The following TOX2 variants were observed in gnomAD, a reference collection of about 807,000 sequenced individuals.
TOX2 encodes the protein TOX high mobility group box family member 2.
In TOX2, 15 loss-of-function variants were observed where a neutral mutation model predicts 47.4. The observed-to-expected ratio is 0.32, with a 90% confidence interval of 0.21 to 0.49. The LOEUF is 0.49. TOX2 is among the 20% of genes least tolerant of loss of function. The pLI is 0.99. For synonymous variants in TOX2, 290 were observed against 296.6 expected, an observed-to-expected ratio of 0.98 and a Z score of 0.23; for missense variants, 622 against 673.1, an observed-to-expected ratio of 0.92 and a Z score of 0.84.
At chr20:44,037,197 A>C (rs950647038) in intron 3 of TOX2, among the ~76,000 whole-genome samples, 4 of 152,098 alleles carry the variant, frequency 2.6e-5, no homozygotes, top group Non-Finnish European at 2.9e-5. Context: ...CAGGTGATCC[A>C]CCCACCTTGG....
intron 1 of TOX2, among the ~76,000 whole-genome samples, chr20:43,927,640 C>CTTCCTTCT (rs1469471579): frequency 4.7e-5 from 6 of 127,996 alleles, no homozygotes; most frequent in African/African-American, 1.8e-4. Flanking sequence ...TCCTTCCTTC[C>CTTCCTTCT]TCCCCTTCCC....
intron 1 of TOX2, among the ~76,000 whole-genome samples, chr20:43,951,728 T>TTTTTTA (rs1344889572): frequency 1.4e-5 from 2 of 143,926 alleles, no homozygotes; most frequent in African/African-American, 2.5e-5. Context: ...TTTTTTTTTT[T>TTTTTTA]AGAGAAAGGG....
intron 5 of TOX2, among the ~76,000 whole-genome samples, chr20:44,057,414 A>C (rs2071639748): frequency 6.6e-6 from 1 of 152,244 alleles, no homozygotes; most frequent in South Asian, 2.1e-4. Flanking sequence ...TTTTGAAATC[A>C]CATTTAGAAA....
chr20:43,935,679 G>A (rs1457586758), intron 1 of TOX2, among the ~76,000 whole-genome samples: 3 of 152,000 alleles, frequency 2.0e-5, no homozygotes, highest in South Asian at 4.2e-4. Flanking sequence ...TAATCCCAGC[G>A]CTTTGGGAGG....
intron 2 of TOX2, among the ~76,000 whole-genome samples, chr20:43,977,799 G>T (rs2070107968): frequency 6.6e-6 from 1 of 152,134 alleles, no homozygotes; most frequent in Non-Finnish European, 1.5e-5. Context: ...TAGAGGACCT[G>T]GTAGAGGTCA....
chr20:43,955,473 A>T (rs1406383928), intron 1 of TOX2, among the ~76,000 whole-genome samples: 1 of 152,178 alleles, frequency 6.6e-6, no homozygotes, highest in South Asian at 2.1e-4. Flanking sequence ...GGGTGAGCCG[A>T]GGTACTCAGA....
intron 3 of TOX2, among the ~76,000 whole-genome samples, chr20:44,020,925 T>C (rs1216395411): frequency 1.3e-5 from 2 of 152,180 alleles, no homozygotes; most frequent in Non-Finnish European, 2.9e-5. Flanking sequence ...CCTCTGCCTG[T>C]GGTTCCTGGT....
At chr20:43,938,787 G>T (rs576872208) in intron 1 of TOX2, among the ~76,000 whole-genome samples, 10 of 152,332 alleles carry the variant, frequency 6.6e-5, no homozygotes, top group Middle Eastern at 3.4e-3. Flanking sequence ...AAGAGCATTT[G>T]TCGCTCCCTG....
At chr20:43,960,998 C>T (rs1369149087) in intron 1 of TOX2, among the ~76,000 whole-genome samples, 1 of 152,252 alleles carries the variant, frequency 6.6e-6, no homozygotes, top group Non-Finnish European at 1.5e-5. Flanking sequence ...TGGTGCCTGT[C>T]TTTTCCATCT....
chr20:44,048,413 T>TATATATATA (rs2071452330), intron 3 of TOX2, among the ~76,000 whole-genome samples: 1 of 130,170 alleles, frequency 7.7e-6, no homozygotes, highest in Non-Finnish European at 1.6e-5. Flanking sequence ...TATATATATA[T>TATATATATA]GTATAATTTA....
chr20:43,992,266 G>T (rs562361400), intron 2 of TOX2, among the ~76,000 whole-genome samples: 1 of 152,184 alleles, frequency 6.6e-6, no homozygotes, highest in Non-Finnish European at 1.5e-5. Flanking sequence ...GGCTGGGATG[G>T]TCAAGAGCAG....
chr20:43,924,168 T>A (rs1014618360), intron 1 of TOX2, among the ~76,000 whole-genome samples: 2 of 152,190 alleles, frequency 1.3e-5, no homozygotes, highest in Non-Finnish European at 2.9e-5. Context: ...AGTACCACTG[T>A]GACCATCTCA....
chr20:43,946,464 T>A (rs981116557), intron 1 of TOX2, among the ~76,000 whole-genome samples: 4 of 152,232 alleles, frequency 2.6e-5, no homozygotes, highest in African/African-American at 9.6e-5. Flanking sequence ...GACAGGGGCC[T>A]TCCAAGAAGG....
intron 1 of TOX2, among the ~76,000 whole-genome samples, chr20:43,970,151 G>A (rs542411243): frequency 1.3e-3 from 191 of 152,280 alleles, no homozygotes; most frequent in Non-Finnish European, 2.2e-3. Flanking sequence ...TAGTGGGAGA[G>A]TCCAAGCAGA....
intron 2 of TOX2, among the ~76,000 whole-genome samples, chr20:43,985,776 A>G (rs913689698): frequency 1.1e-4 from 17 of 152,124 alleles, no homozygotes; most frequent in African/African-American, 4.1e-4. Context: ...TCTGCTTGCG[A>G]GGTAGCAGGG....
intron 1 of TOX2, chr20:43,945,656 T>G (rs898552043): frequency 4.5e-6 from 2 of 448,990 alleles, no homozygotes; most frequent in African/African-American, 4.0e-5. Context: ...GCGCTGTACT[T>G]AGGGGCTGCC....
chr20:43,943,692 G>C (rs1038441022), intron 1 of TOX2, among the ~76,000 whole-genome samples: 5 of 152,186 alleles, frequency 3.3e-5, no homozygotes, highest in Admixed American at 6.5e-5. Context: ...AATGAGACTT[G>C]AAAGATTTTT....
intron 3 of TOX2, among the ~76,000 whole-genome samples, chr20:44,017,410 C>T (rs908721173): frequency 6.6e-6 from 1 of 152,164 alleles, no homozygotes; most frequent in Non-Finnish European, 1.5e-5. Context: ...CCGGCTTTCC[C>T]TGGGGCTGTT....
chr20:43,955,566 G>A (rs2069653394), intron 1 of TOX2, among the ~76,000 whole-genome samples: 2 of 152,156 alleles, frequency 1.3e-5, no homozygotes, highest in South Asian at 4.1e-4. Flanking sequence ...GTGTGACCAA[G>A]GAGAGGAAAT....
Sources: gnomAD v4.1 joint callset for allele counts (sites outside exome capture counted in the v4.1 genomes callset) on GRCh38, gnomAD v4.1.1 for gene constraint, MANE v1.5 for transcripts, NCBI Gene and HGNC (gene_info 2026-07-23, HGNC 2026-07-21) for gene names.